Variants in RXFP2 observed in about 807,000 individuals in gnomAD.
RXFP2 encodes relaxin receptor 2.
A neutral mutation model predicts 88.6 loss-of-function variants in RXFP2; 68 were observed. That is an observed-to-expected ratio of 0.77 (90% CI 0.63 to 0.94). The LOEUF is 0.94. Among genes scored for constraint, RXFP2 ranks in the 40% least tolerant of loss-of-function variants. The pLI is 0.00. For synonymous variants in RXFP2, 329 were observed against 306.8 expected (o/e 1.07, Z -0.76); for missense variants, 791 against 893.9 (o/e 0.88, Z 1.47).
At chr13:31,748,333 T>G (rs1379854376) in intron 1 of RXFP2, among the ~76,000 whole-genome samples, 1 of 152,218 alleles carries the variant, frequency 6.6e-6, no homozygotes, top group African/African-American at 2.4e-5. Flanking sequence ...GCTGTTCCAA[T>G]TAACACTCCA....
In RXFP2 at chr13:31,758,348, C is replaced by A; in HGVS notation, c.185C>A (p.Ala62Asp). Reference protein sequence around the residue: ...CGNLTKCLPRAFHCDGKDDCG... With the variant: ...CGNLTKCLPRDFHCDGKDDCG... ...AATCTTACCAAGTGCTTACCCCGAG[C>A]TTTTCACTGTGATGGCAAGGATGAC... The change falls in exon 2 of 18, where the codon GCT becomes GAT. Residue 62 changes from alanine to aspartate, a missense_variant. Ala to Asp is a moderately radical substitution (Grantham distance 126). Coordinates refer to ENST00000298386, the MANE Select transcript of RXFP2 (RefSeq NM_130806.5). The A allele has an allele frequency of 6.2e-7, 1 of 1,614,112 alleles. No homozygotes were observed. The highest frequency in any genetic ancestry group is 1.7e-5 in the Admixed American group (1 of 60,024).
chr13:31,779,551 T>C (rs1255498089), intron 9 of RXFP2, among the ~76,000 whole-genome samples: 1 of 152,216 alleles, frequency 6.6e-6, no homozygotes, highest in Non-Finnish European at 1.5e-5. Flanking sequence ...AACCAATACC[T>C]GTTTAAAACA....
At chr13:31,787,303 T>C in intron 13 of RXFP2, among the ~76,000 whole-genome samples, 1 of 152,236 alleles carries the variant, frequency 6.6e-6, no homozygotes, top group Non-Finnish European at 1.5e-5. Flanking sequence ...ATTCTTAGTA[T>C]CATCTTTTAT....
intron 17 of RXFP2, among the ~76,000 whole-genome samples, chr13:31,798,110 G>A (rs981044392): frequency 2.4e-4 from 37 of 152,192 alleles, no homozygotes; most frequent in Non-Finnish European, 8.8e-5. Context: ...CTACTTGGGA[G>A]TTGATCCAAG....
intron 6 of RXFP2, 68 bp downstream of exon 6, chr13:31,774,759 T>G (rs2138429200): frequency 2.3e-6 from 2 of 868,904 alleles, no homozygotes; most frequent in South Asian, 1.3e-5. Flanking sequence ...GAATGGTACT[T>G]TTTCAAGGCT....
At chr13:31,754,183 G>A (rs543161925) in intron 1 of RXFP2, among the ~76,000 whole-genome samples, 8 of 152,132 alleles carry the variant, frequency 5.3e-5, no homozygotes, top group East Asian at 1.9e-4. Flanking sequence ...TGCCTCTGCC[G>A]CCTAGACGTT....
chr13:31,748,452 T>C (rs555895575), intron 1 of RXFP2, among the ~76,000 whole-genome samples: 2 of 152,366 alleles, frequency 1.3e-5, no homozygotes, highest in Non-Finnish European at 1.5e-5. Context: ...TATTTTATCA[T>C]GGTTTTAATT....
chr13:31,793,118 A>G, intron 16 of RXFP2, 30 bp downstream of exon 16: 1 of 1,573,424 alleles, frequency 6.4e-7, no homozygotes. Flanking sequence ...TTCCTGGAAA[A>G]ACATAATTTT....
chr13:31,797,241 T>C lies in RXFP2; in HGVS notation c.1827T>C (p.Tyr609=). Residue 609 remains tyrosine (Y), a synonymous_variant, in exon 17 of 18, where the codon TAT becomes TAC. Coordinates refer to ENST00000298386, the MANE Select transcript of RXFP2 (RefSeq NM_130806.5). ...LLAFLIIVFS[Y]ITMFCSIQKT... ...CTTTTCTCATCATTGTGTTTTCCTA[T>C]ATTACTATGTTCTGTTCCATTCAAA... is the stretch of plus-strand genomic sequence containing the variant. 4 of 1,613,972 alleles carry C rather than the reference T, an allele frequency of 2.5e-6. No individual in the cohort carries two copies. The highest frequency in any genetic ancestry group is 3.4e-6 in the Non-Finnish European group (4 of 1,179,834).
At chr13:31,758,973 G>A (rs186977698) in intron 2 of RXFP2, among the ~76,000 whole-genome samples, 27 of 152,128 alleles carry the variant, frequency 1.8e-4, no homozygotes, top group African/African-American at 4.8e-4. Context: ...GCCTGAACCC[G>A]GGAGGCAAGG....
At chr13:31,759,375 G>GAGAAAGAA (rs71099990) in intron 2 of RXFP2, among the ~76,000 whole-genome samples, 3,606 of 22,950 alleles carry the variant, frequency 0.16, 904 homozygotes, top group Non-Finnish European at 0.17. Context: ...CATTTGGATT[G>GAGAAAGAA]AGAAAGAAAG....
intron 13 of RXFP2, among the ~76,000 whole-genome samples, chr13:31,787,678 C>T (rs574069788): frequency 2.2e-4 from 34 of 152,268 alleles, no homozygotes; most frequent in African/African-American, 6.3e-4. Context: ...CTCGCCCTGT[C>T]GCCCAGGCTA....
At chr13:31,777,180 A>G (rs1480942167) in intron 7 of RXFP2, among the ~76,000 whole-genome samples, 196 bp from the exon 8 acceptor site, 2 of 152,142 alleles carry the variant, frequency 1.3e-5, no homozygotes, top group African/African-American at 4.8e-5. Flanking sequence ...ATCCAACTTG[A>G]TAAGTGGGAT....
intron 9 of RXFP2, 29 bp from the exon 10 acceptor site, chr13:31,781,632 CAAAAAATATT>C (rs1566230661): frequency 7.0e-7 from 1 of 1,436,854 alleles, no homozygotes; most frequent in Admixed American, 1.7e-5. Context: ...ATGATTTGTA[CAAAAAATATT>C]AAAAATATCT....
chr13:31,743,955 T>C (rs559361998), intron 1 of RXFP2, among the ~76,000 whole-genome samples: 43 of 152,252 alleles, frequency 2.8e-4, no homozygotes, highest in African/African-American at 1.0e-3. Flanking sequence ...TTGGAATACA[T>C]CTATCCCTAG....
At chr13:31,745,475 T>C (rs939962768) in intron 1 of RXFP2, among the ~76,000 whole-genome samples, 3 of 152,182 alleles carry the variant, frequency 2.0e-5, no homozygotes, top group Non-Finnish European at 4.4e-5. Flanking sequence ...AGTTATTCCA[T>C]ACCCCATGCT....
At chr13:31,801,159 G>A (rs1461564822) in intron 17 of RXFP2, among the ~76,000 whole-genome samples, 7 of 152,132 alleles carry the variant, frequency 4.6e-5, no homozygotes, top group African/African-American at 1.4e-4. Flanking sequence ...ATGAGATTGC[G>A]AAGGAGGAGA....
chr13:31,793,232 A>G (rs1036341475), intron 16 of RXFP2, 144 bp downstream of exon 16: 3 of 708,884 alleles, frequency 4.2e-6, no homozygotes, highest in African/African-American at 3.6e-5. Context: ...AGTTTTTACT[A>G]TTGTGTTTAT....
chr13:31,748,774 C>G (rs560338301), intron 1 of RXFP2, among the ~76,000 whole-genome samples: 1 of 152,248 alleles, frequency 6.6e-6, no homozygotes, highest in South Asian at 2.1e-4. Flanking sequence ...ATCACGAGGT[C>G]AGGAGATCGA....
Sources: allele counts gnomAD v4.1 joint callset (sites outside exome capture counted in the v4.1 genomes callset), GRCh38; gene constraint gnomAD v4.1.1; transcripts MANE v1.5; gene names NCBI Gene and HGNC (gene_info 2026-07-23, HGNC 2026-07-21).